LGSN: variants seen among roughly 807,000 people sequenced by gnomAD.
LGSN encodes lengsin.
LGSN carries 21 observed loss-of-function variants against 19.5 expected under a neutral mutation model. That is an observed-to-expected ratio of 1.07 (90% CI 0.76 to 1.55). LGSN has a LOEUF of 1.55. Ranked by LOEUF, LGSN falls within the 40% of genes most tolerant of loss-of-function variation. The probability of loss-of-function intolerance (pLI) is 0.00; values close to 1 mark genes in which losing one functional copy is unlikely to be tolerated. For synonymous variants in LGSN, 257 were observed against 215.6 expected (o/e 1.19, Z -1.68); for missense variants, 673 against 608.5 (o/e 1.11, Z -1.12).
the LGSN span, chr6:63,549,142 C>A: frequency 2.9e-6 from 2 of 686,404 alleles, no homozygotes; most frequent in African/African-American, 1.8e-5. Flanking sequence ...CCTTTGCCAG[C>A]AGCTTTCTTT....
the LGSN span, among the ~76,000 whole-genome samples, chr6:63,572,957 G>A: frequency 1.6e-4 from 25 of 152,250 alleles, no homozygotes; most frequent in Middle Eastern, 3.4e-3. Flanking sequence ...GCCGCCGGAG[G>A]CACCGGCTTT....
chr6:63,336,753 G>A, the LGSN span, among the ~76,000 whole-genome samples: 2 of 150,498 alleles, frequency 1.3e-5, no homozygotes, highest in South Asian at 2.1e-4. Flanking sequence ...AGCATCCCGC[G>A]TAGTAGCTGA....
the LGSN span, among the ~76,000 whole-genome samples, chr6:63,558,240 T>C: frequency 6.6e-6 from 1 of 151,764 alleles, no homozygotes; most frequent in African/African-American, 2.4e-5. Flanking sequence ...GTTATTGCAA[T>C]ACAACTCAGA....
the LGSN span, among the ~76,000 whole-genome samples, chr6:63,498,065 T>C: frequency 6.6e-6 from 1 of 151,744 alleles, no homozygotes; most frequent in African/African-American, 2.4e-5. Context: ...ATTACAGGCA[T>C]GCACCACTAC....
At chr6:63,549,948 G>A in the LGSN span, among the ~76,000 whole-genome samples, 1 of 152,072 alleles carries the variant, frequency 6.6e-6, no homozygotes, top group Admixed American at 6.6e-5. Context: ...ATTGCTAGAA[G>A]GAGGATATTG....
At chr6:63,473,722 A>T in the LGSN span, among the ~76,000 whole-genome samples, 1 of 148,778 alleles carries the variant, frequency 6.7e-6, no homozygotes, top group African/African-American at 2.5e-5. Context: ...ACTGGGGTCC[A>T]AGTAGTCCTA....
At chr6:63,325,740 TCTGGTGGGTTCGTGGTCTCGCTGG>T in the LGSN span, among the ~76,000 whole-genome samples, 6 of 152,122 alleles carry the variant, frequency 3.9e-5, no homozygotes, top group Admixed American at 2.6e-4. Context: ...GTTTCTTCCT[TCTGGTGGGTTCGTGGTCTCGCTGG>T]CTTCAGGAGT....
the LGSN span, among the ~76,000 whole-genome samples, chr6:63,404,440 T>C: frequency 3.3e-5 from 5 of 152,188 alleles, no homozygotes; most frequent in Admixed American, 6.6e-5. Context: ...GAAATCTTAG[T>C]CTGTTCAGGT....
the LGSN span, among the ~76,000 whole-genome samples, chr6:63,370,592 T>C: frequency 6.6e-6 from 1 of 152,348 alleles, no homozygotes; most frequent in African/African-American, 2.4e-5. Flanking sequence ...CTCACATGGG[T>C]CCTGCCTACG....
chr6:63,483,374 T>C, the LGSN span, among the ~76,000 whole-genome samples: 1 of 151,756 alleles, frequency 6.6e-6, no homozygotes, highest in Admixed American at 6.6e-5. Context: ...AGCTCTTTTT[T>C]TTTTTTTTTG....
Position 63,294,936 on chromosome 6 carries a change from T to TC in LGSN, c.139dup (p.Glu47GlyfsTer9). Reference sequence around the variant, plus strand: ...ACCATTTGAATTGGACATATCCGTTTCTCCCACTTCAGTTGAACAAACATA... The same window carrying TC: ...ACCATTTGAATTGGACATATCCGTTTCCTCCCACTTCAGTTGAACAAACATA... On this transcript the variant is annotated frameshift_variant, in exon 2 of 4. Transcript: ENST00000370657. LOFTEE classifies it high-confidence loss of function. The TC allele has an allele frequency of 1.2e-6, 2 of 1,613,924 alleles. No individual in the cohort carries two copies. Among genetic ancestry groups the TC allele is most frequent in the Non-Finnish European group, 1.7e-6 (2 of 1,179,890 alleles).
chr6:63,328,932 G>T, the LGSN span, among the ~76,000 whole-genome samples: 2 of 152,164 alleles, frequency 1.3e-5, no homozygotes, highest in Non-Finnish European at 2.9e-5. Context: ...AATGTCTTAG[G>T]GCAAGGATAA....
the LGSN span, among the ~76,000 whole-genome samples, chr6:63,567,700 C>T: frequency 7.0e-3 from 1,060 of 152,304 alleles, 7 homozygotes; most frequent in African/African-American, 0.023. Context: ...GCCTGTCCTT[C>T]GAAGCTTTGA....
chr6:63,438,381 G>A, the LGSN span, among the ~76,000 whole-genome samples: 1 of 152,184 alleles, frequency 6.6e-6, no homozygotes, highest in Non-Finnish European at 1.5e-5. Context: ...AAGAGCTTCT[G>A]CACAGTAAAA....
intron 1 of LGSN, among the ~76,000 whole-genome samples, chr6:63,319,552 T>C (rs563327484): frequency 6.6e-6 from 1 of 152,306 alleles, no homozygotes; most frequent in Admixed American, 6.5e-5. Context: ...AGCATATTTA[T>C]TAGAAAGAGG....
the LGSN span, among the ~76,000 whole-genome samples, chr6:63,485,025 T>G: frequency 6.6e-6 from 1 of 152,034 alleles, no homozygotes; most frequent in Non-Finnish European, 1.5e-5. Context: ...ACACTATTTG[T>G]TTTTTTTAGT....
the LGSN span, among the ~76,000 whole-genome samples, chr6:63,559,590 C>G: frequency 6.6e-6 from 1 of 151,890 alleles, no homozygotes; most frequent in Admixed American, 6.6e-5. Flanking sequence ...ACTAAAAATA[C>G]AAAAATTAGC....
At chr6:63,554,152 A>G in the LGSN span, among the ~76,000 whole-genome samples, 1,773 of 152,326 alleles carry the variant, frequency 0.012, 28 homozygotes, top group African/African-American at 0.04. Flanking sequence ...GAGGCAATAA[A>G]AAGACTTTAC....
the LGSN span, among the ~76,000 whole-genome samples, chr6:63,532,636 G>A: frequency 6.6e-6 from 1 of 152,134 alleles, no homozygotes; most frequent in Admixed American, 6.5e-5. Context: ...CCACTGTACA[G>A]CTTTCAACCG....
Sources: gnomAD v4.1 joint callset for allele counts (sites outside exome capture counted in the v4.1 genomes callset) on GRCh38, gnomAD v4.1.1 for gene constraint, MANE v1.5 for transcripts, NCBI Gene and HGNC (gene_info 2026-07-23, HGNC 2026-07-21) for gene names.